The following SLC24A4 variants were observed in gnomAD, a reference collection of about 807,000 sequenced individuals.
SLC24A4 encodes sodium/potassium/calcium exchanger 4.
In SLC24A4, 53 loss-of-function variants were observed where a neutral mutation model predicts 79.0. The ratio of observed to expected loss-of-function variants is 0.67; its 90% CI spans 0.54 to 0.84. SLC24A4 has a LOEUF of 0.84. Among genes scored for constraint, SLC24A4 ranks in the 40% least tolerant of loss-of-function variants. The probability of loss-of-function intolerance (pLI) is 0.00; values close to 1 mark genes in which losing one functional copy is unlikely to be tolerated. For missense variants in SLC24A4, 731 were observed against 822.0 expected, an observed-to-expected ratio of 0.89 and a Z score of 1.35; for synonymous variants, 323 against 323.8, an observed-to-expected ratio of 1.00 and a Z score of 0.03.
intron 12 of SLC24A4, among the ~76,000 whole-genome samples, chr14:92,481,166 A>G (rs1196457585): frequency 6.6e-6 from 1 of 152,234 alleles, no homozygotes; most frequent in African/African-American, 2.4e-5. Context: ...ATGAAAGCTT[A>G]CAGCAGTCTC....
At chr14:92,446,499 C>A (rs1027622031) in intron 8 of SLC24A4, among the ~76,000 whole-genome samples, 1 of 152,194 alleles carries the variant, frequency 6.6e-6, no homozygotes, top group African/African-American at 2.4e-5. Context: ...CTGCCCTGAG[C>A]AGCTGTGTGC....
chr14:92,350,924 G>C (rs1443485376), intron 2 of SLC24A4, among the ~76,000 whole-genome samples: 2 of 152,178 alleles, frequency 1.3e-5, no homozygotes, highest in African/African-American at 4.8e-5. Context: ...CTTATTAAAA[G>C]AGACCCAGGA....
intron 2 of SLC24A4, among the ~76,000 whole-genome samples, chr14:92,386,282 G>A (rs1275669914): frequency 6.6e-6 from 1 of 152,052 alleles, no homozygotes; most frequent in African/African-American, 2.4e-5. Context: ...CTGGGCTTTT[G>A]ACTCCTGCAA....
intron 12 of SLC24A4, among the ~76,000 whole-genome samples, chr14:92,459,700 C>A (rs935161877): frequency 3.9e-5 from 6 of 152,310 alleles, no homozygotes; most frequent in Non-Finnish European, 7.3e-5. Flanking sequence ...TCCTCCCTTT[C>A]CCCTGTGAGG....
chr14:92,405,801 A>C (rs1890343317), intron 2 of SLC24A4, among the ~76,000 whole-genome samples: 1 of 152,116 alleles, frequency 6.6e-6, no homozygotes, highest in Non-Finnish European at 1.5e-5. Flanking sequence ...CCAATTTGAC[A>C]TGAGATTTGG....
At chr14:92,376,578 G>C (rs1039278887) in intron 2 of SLC24A4, among the ~76,000 whole-genome samples, 3 of 152,250 alleles carry the variant, frequency 2.0e-5, no homozygotes, top group African/African-American at 7.2e-5. Context: ...CCAGCTGACT[G>C]GCTGGCCCAT....
At chr14:92,411,828 C>T (rs907865590) in intron 2 of SLC24A4, among the ~76,000 whole-genome samples, 1 of 152,186 alleles carries the variant, frequency 6.6e-6, no homozygotes, top group Non-Finnish European at 1.5e-5. Flanking sequence ...AAATAATCTT[C>T]TAAGGTAGGA....
At chr14:92,364,683 G>A (rs937717478) in intron 2 of SLC24A4, among the ~76,000 whole-genome samples, 1 of 152,164 alleles carries the variant, frequency 6.6e-6, no homozygotes, top group Admixed American at 6.5e-5. Context: ...TCCCTCATCT[G>A]TGCATGGCTG....
At position 92,443,339 on chromosome 14, in the gene SLC24A4, C is replaced by T. The variant is rs1892607772; in HGVS notation, c.583-61C>T. On this transcript the variant is annotated intron_variant, in intron 6 of 16. Transcript: ENST00000532405. ...GCACTGCGGGGGGAGGAGGCCTGGG[C>T]AGCTGCACCCCCTCCCCGCTTCTGC... is the stretch of plus-strand genomic sequence containing the variant. 3.3e-6 allele frequency: 5 copies of T among 1,527,456 alleles called. No individual in the cohort carries two copies. The South Asian group carries it at 4.5e-5, about 14-fold the overall frequency. 94.6% of individuals were successfully genotyped at this position (1,527,456 alleles called of 1,614,324 possible).
chr14:92,432,770 G>T (rs1407236879), intron 2 of SLC24A4, among the ~76,000 whole-genome samples: 1 of 152,148 alleles, frequency 6.6e-6, no homozygotes, highest in Non-Finnish European at 1.5e-5. Context: ...GAGAGAATCA[G>T]ATCTGAAAAA....
chr14:92,349,955 T>C (rs936247560), intron 2 of SLC24A4, among the ~76,000 whole-genome samples: 5 of 152,220 alleles, frequency 3.3e-5, no homozygotes, highest in Admixed American at 2.6e-4. Flanking sequence ...ACTGGCATTG[T>C]GGGGCAGACA....
At chr14:92,465,206 A>G (rs1894036304) in intron 12 of SLC24A4, among the ~76,000 whole-genome samples, 1 of 152,156 alleles carries the variant, frequency 6.6e-6, no homozygotes, top group South Asian at 2.1e-4. Flanking sequence ...CATTTCTTTC[A>G]TCTGCCCAGG....
chr14:92,456,488 G>T lies in SLC24A4; in HGVS notation c.1135G>T (p.Val379Phe), dbSNP rs1382183415. 1.2e-6 allele frequency: 2 copies of T among 1,614,114 alleles called. No homozygotes were observed. The highest frequency in any genetic ancestry group is 1.7e-6 in the Non-Finnish European group (2 of 1,180,052). ...GCACGAGAACATTGAGAACGGGAAT[G>T]TTCCTGTGGAAAACCCCGAAGACCC... ...GRHENIENGN[V>F]PVENPEDPQQ... The change falls in exon 12 of 17, where the codon GTT becomes TTT. Residue 379 changes from valine (V) to phenylalanine (F), a missense_variant. Physicochemically the swap from Val to Phe is conservative, Grantham distance 50. Coordinates refer to ENST00000532405, the MANE Select transcript of SLC24A4 (RefSeq NM_153646.4).
At chr14:92,440,283 C>T (rs1009048825) in intron 4 of SLC24A4, among the ~76,000 whole-genome samples, 1 of 152,164 alleles carries the variant, frequency 6.6e-6, no homozygotes. Flanking sequence ...GAGCCATGTG[C>T]TCGCCTCCAT....
At chr14:92,377,812 G>A (rs1289567754) in intron 2 of SLC24A4, among the ~76,000 whole-genome samples, 3 of 152,186 alleles carry the variant, frequency 2.0e-5, no homozygotes, top group African/African-American at 7.2e-5. Context: ...GAAAGGGATA[G>A]ATCTGTGGAA....
At chr14:92,493,077 A>G (rs923306138) in intron 16 of SLC24A4, among the ~76,000 whole-genome samples, 2 of 151,672 alleles carry the variant, frequency 1.3e-5, no homozygotes, top group African/African-American at 4.8e-5. Flanking sequence ...CTAAGGAGAC[A>G]AGGGAAAAGA....
In SLC24A4 at chr14:92,449,165, G is replaced by A; in HGVS notation, c.829G>A (p.Asp277Asn). The A allele has an allele frequency of 6.2e-7, 1 of 1,614,216 alleles. No individual in the cohort carries two copies. Among genetic ancestry groups the A allele is most frequent in the Non-Finnish European group, 8.5e-7 (1 of 1,180,040 alleles). Residue 277 changes from aspartate to asparagine, a missense_variant, in exon 10 of 17, where the codon GAT becomes AAT. Asp to Asn is a conservative substitution (Grantham distance 23). Transcript: ENST00000532405. ...PVNSELEAGN[D>N]FYDGSYDDPS... ...CAACAGTGAGCTGGAGGCTGGTAAT[G>A]ATTTCTATGACGGTAGCTATGATGA...
At chr14:92,469,198 T>C (rs1894298107) in intron 12 of SLC24A4, among the ~76,000 whole-genome samples, 1 of 152,124 alleles carries the variant, frequency 6.6e-6, no homozygotes, top group Admixed American at 6.6e-5. Context: ...CCTCATACAT[T>C]GCTGGTGGAA....
intron 2 of SLC24A4, among the ~76,000 whole-genome samples, chr14:92,327,073 C>A (rs1885185726): frequency 6.6e-6 from 1 of 152,190 alleles, no homozygotes; most frequent in Non-Finnish European, 1.5e-5. Flanking sequence ...GCACAAGTTG[C>A]TCAAAGTCAC....
Sources: gnomAD v4.1 joint callset for allele counts (sites outside exome capture counted in the v4.1 genomes callset) on GRCh38, gnomAD v4.1.1 for gene constraint, MANE v1.5 for transcripts, NCBI Gene and HGNC (gene_info 2026-07-23, HGNC 2026-07-21) for gene names.